The following ARHGEF15 variants were observed in gnomAD, a reference collection of about 807,000 sequenced individuals.
The protein encoded by ARHGEF15 is Rho guanine nucleotide exchange factor (GEF) 15.
In ARHGEF15, 58 loss-of-function variants were observed where a neutral mutation model predicts 79.7. That is an observed-to-expected ratio of 0.73 (90% CI 0.59 to 0.91). The LOEUF (loss-of-function observed/expected upper bound fraction) is 0.91. Ranked by LOEUF, ARHGEF15 falls within the 40% of genes least tolerant of loss-of-function variation. The probability of loss-of-function intolerance (pLI) is 0.00; values close to 1 mark genes in which losing one functional copy is unlikely to be tolerated. For missense variants in ARHGEF15, 1,012 were observed against 1,108.1 expected (o/e 0.91, Z 1.23); for synonymous variants, 442 against 456.0 (o/e 0.97, Z 0.39).
In ARHGEF15 at chr17:8,321,160, A is replaced by AC; in HGVS notation, c.*170dup. 1 of 868,676 alleles carries AC rather than the reference A, an allele frequency of 1.2e-6. No homozygotes were observed. Among genetic ancestry groups the AC allele is most frequent in the Non-Finnish European group, 1.7e-6 (1 of 576,274 alleles). The allele number at this position is 868,676 out of a possible 1,614,324, so 53.8% of individuals were successfully genotyped here. A position where few individuals can be genotyped will look rare whatever the true frequency, so the allele number is the denominator to read the frequency against. ...GCAGCCAATGAAAACGGCCGCCTGA[A>AC]CCCACAGCAATAAGAATGAATGAGG... On this transcript the variant is annotated 3_prime_UTR_variant, in exon 16 of 16. Coordinates refer to ENST00000361926, the MANE Select transcript of ARHGEF15 (RefSeq NM_173728.4).
chr17:8,312,222 C>T lies in ARHGEF15; in HGVS notation c.183C>T (p.Ile61=), dbSNP rs542926076. 7.7e-6 allele frequency: 12 copies of T among 1,567,634 alleles called. No homozygotes were observed. The African/African-American group carries it at 1.4e-4, about 18-fold the overall frequency. Residue 61 remains isoleucine (I), a synonymous_variant, in exon 2 of 16, where the codon ATC becomes ATT. Coordinates refer to ENST00000361926, the MANE Select transcript of ARHGEF15 (RefSeq NM_173728.4). The part of the protein sequence containing the change: ...NDAPTPMCTP[I]FWEPPAASLK... ...CACCAACCCCAATGTGCACCCCCAT[C>T]TTCTGGGAGCCCCCAGCTGCATCCC...
chr17:8,317,908 A>C (rs912313729), intron 9 of ARHGEF15, among the ~76,000 whole-genome samples: 1 of 152,106 alleles, frequency 6.6e-6, no homozygotes, highest in African/African-American at 2.4e-5. Flanking sequence ...TTCTACTAAA[A>C]ATACAAAAAA....
At chr17:8,317,178 G>A (rs1278145179) in intron 9 of ARHGEF15, among the ~76,000 whole-genome samples, 1 of 152,150 alleles carries the variant, frequency 6.6e-6, no homozygotes, top group African/African-American at 2.4e-5. Context: ...ACGGCTCACT[G>A]CAGCCTCAAA....
At chr17:8,315,000 C>T in intron 5 of ARHGEF15, 36 bp downstream of exon 5, 1 of 1,613,834 alleles carries the variant, frequency 6.2e-7, no homozygotes, top group Non-Finnish European at 8.5e-7. Context: ...CCTGCTGTGA[C>T]CATCAAGCAG....
rs202083675 is a variant in ARHGEF15, at chr17:8,319,364, T to C, written c.2239T>C (p.Cys747Arg). 389 of 1,613,870 alleles carry C rather than the reference T, an allele frequency of 2.4e-4. 3 individuals carry two copies. Among genetic ancestry groups the C allele is most frequent in the Admixed American group, 5.0e-5 (3 of 59,968 alleles). ...CTTCCCAACCCCAGGCCCCCTTCCC[T>C]GCTCCCCAGACACCATCTATGAGGA... ...GAFPTPGPLP[C>R]SPDTIYEDCD... Residue 747 changes from cysteine (C) to arginine (R), a missense_variant, in exon 14 of 16, where the codon TGC (cysteine) becomes CGC (arginine). Transcript: ENST00000361926.
Position 8,321,154 on chromosome 17 carries a change from G to A in ARHGEF15, c.*161G>A. Reference sequence around the variant, plus strand: ...GACAGAGCAGCCAATGAAAACGGCCGCCTGAACCCACAGCAATAAGAATGA... The same window carrying A: ...GACAGAGCAGCCAATGAAAACGGCCACCTGAACCCACAGCAATAAGAATGA... On this transcript the variant is annotated 3_prime_UTR_variant, in exon 16 of 16. Coordinates refer to ENST00000361926, the MANE Select transcript of ARHGEF15 (RefSeq NM_173728.4). The A allele has an allele frequency of 2.1e-6, 2 of 936,954 alleles. No homozygotes were observed. The highest frequency in any genetic ancestry group is 1.7e-5 in the African/African-American group (1 of 60,430). 58.0% of individuals were successfully genotyped at this position (936,954 alleles called of 1,614,324 possible). A position where few individuals can be genotyped will look rare whatever the true frequency, so the allele number is the denominator to read the frequency against.
In ARHGEF15 at chr17:8,321,528, C is replaced by G. The variant is rs776709452; in HGVS notation, c.*535C>G. 2.6e-5 allele frequency: 4 copies of G among 153,690 alleles called. No individual in the cohort carries two copies. Among genetic ancestry groups the G allele is most frequent in the Non-Finnish European group, 5.8e-5 (4 of 69,100 alleles). 9.5% of individuals were successfully genotyped at this position (153,690 alleles called of 1,614,324 possible). On this transcript the variant is annotated 3_prime_UTR_variant, in exon 16 of 16. Transcript: ENST00000361926. Reference sequence around the variant, plus strand: ...TGGATGCTTCCTGTGCCCTCTCAAGCCAGTTCTTCTCTTCCAGAAGAATTC... The same window carrying G: ...TGGATGCTTCCTGTGCCCTCTCAAGGCAGTTCTTCTCTTCCAGAAGAATTC...
In ARHGEF15 at chr17:8,321,105, G is replaced by T; in HGVS notation, c.*112G>T. 6.8e-7 allele frequency: 1 copy of T among 1,460,628 alleles called. No individual in the cohort carries two copies. The allele number at this position is 1,460,628 out of a possible 1,614,324, so 90.5% of individuals were successfully genotyped here. A position where few individuals can be genotyped will look rare whatever the true frequency, so the allele number is the denominator to read the frequency against. On this transcript the variant is annotated 3_prime_UTR_variant, in exon 16 of 16. Transcript: ENST00000361926. ...GTCAGTGGAGATACTACCTCTCGTG[G>T]CAACCATAGAGATCGAGCTTCAGGA... is the stretch of plus-strand genomic sequence containing the variant.
rs759618158 is a variant in ARHGEF15 at position 8,312,166 on chromosome 17, C to T, written c.127C>T (p.Pro43Ser). 2 of 1,610,534 alleles carry T rather than the reference C, an allele frequency of 1.2e-6. No individual in the cohort carries two copies. Among genetic ancestry groups the T allele is most frequent in the East Asian group, 4.5e-5 (2 of 44,696 alleles). ...AGGGCCTCCCCACAATGGCTCCTCT[C>T]CACAAGAACTACCCCGAAACTCCAA... The part of the protein sequence containing the change: ...SPGPPHNGSS[P>S]QELPRNSNDA... Residue 43 changes from proline to serine, a missense_variant, in exon 2 of 16, where the codon CCA becomes TCA. Physicochemically the swap from Pro to Ser is moderately conservative, Grantham distance 74 (BLOSUM62 -1). This residue lies in a region of ARHGEF15 where 818 missense variants were observed against 882.5 expected (regional missense o/e 0.93). Transcript: ENST00000361926.
rs549200900 is a variant in ARHGEF15 at position 8,311,250 on chromosome 17, G to A, written c.-49-741G>A. Among the ~76,000 whole-genome samples, 13 of 152,074 alleles carry A rather than the reference G, an allele frequency of 8.5e-5. No homozygotes were observed. The East Asian group carries it at 2.3e-3, about 27-fold the overall frequency. On this transcript the variant is annotated intron_variant, in intron 1 of 15. Transcript: ENST00000361926. ...GGGAGGAAGAGAAACCCAGGCCGCAGCGCCCTGGCCCGACTGGTCCTGTCC... is the reference window on the plus strand; with the variant it reads ...GGGAGGAAGAGAAACCCAGGCCGCAACGCCCTGGCCCGACTGGTCCTGTCC...
chr17:8,315,005 A>C lies in ARHGEF15; in HGVS notation c.1048+41A>C. The C allele has an allele frequency of 6.2e-7, 1 of 1,613,850 alleles. No homozygotes were observed. The highest frequency in any genetic ancestry group is 1.1e-5 in the South Asian group (1 of 91,054). ...CCTGAGGGTCCCTGCTGTGACCATC[A>C]AGCAGTGGGGAAGGGTTTGGGAGCC... On this transcript the variant is annotated intron_variant, in intron 5 of 15. Coordinates refer to ENST00000361926, the MANE Select transcript of ARHGEF15 (RefSeq NM_173728.4). The surrounding 1 kb of genome is among the most constrained non-coding windows in gnomAD (Gnocchi z 4.3).
Position 8,318,736 on chromosome 17 carries a change from C to T in ARHGEF15, c.1873-14C>T. The stretch of plus-strand genomic sequence containing the variant: ...TGCCACGCTAGAACCTCCTCTGCCT[C>T]CGCTTCCTCGCAGGCCCTGCCCCTG... On this transcript the variant is annotated splice_polypyrimidine_tract_variant and intron_variant, in intron 11 of 15. Coordinates refer to ENST00000361926, the MANE Select transcript of ARHGEF15 (RefSeq NM_173728.4). This position sits in a 1 kb window ranked among gnomAD's most constrained non-coding sequence, Gnocchi z 5.0. 6.2e-7 allele frequency: 1 copy of T among 1,611,962 alleles called. No individual in the cohort carries two copies. Among genetic ancestry groups the T allele is most frequent in the Non-Finnish European group, 8.5e-7 (1 of 1,179,210 alleles).
chr17:8,315,996 G>T lies in ARHGEF15; in HGVS notation c.1575-23G>T. 6.3e-7 allele frequency: 1 copy of T among 1,598,684 alleles called. No individual in the cohort carries two copies. The highest frequency in any genetic ancestry group is 1.1e-5 in the South Asian group (1 of 90,808). ...GGGGCACCAGGGCCTCCAGGCAGCC[G>T]CTAGCCATGCCTGCTTCTGCAGGGA... On this transcript the variant is annotated intron_variant, in intron 8 of 15. Coordinates refer to ENST00000361926, the MANE Select transcript of ARHGEF15 (RefSeq NM_173728.4). The surrounding 1 kb of genome is among the most constrained non-coding windows in gnomAD (Gnocchi z 4.3).
At chr17:8,319,876 G>A (rs752893612) in intron 15 of ARHGEF15, among the ~76,000 whole-genome samples, 5 of 151,652 alleles carry the variant, frequency 3.3e-5, no homozygotes, top group African/African-American at 4.8e-5. Context: ...CAGGTGATCC[G>A]TCCCCTTTCA....
rs1179163024 is a variant in ARHGEF15, at chr17:8,313,088, CG to C, written c.770del (p.Gly257ValfsTer79). 1 of 1,611,106 alleles carries C rather than the reference CG, an allele frequency of 6.2e-7. No individual in the cohort carries two copies. The highest frequency in any genetic ancestry group is 1.3e-5 in the African/African-American group (1 of 74,782). ...SRSRPHPPSIGHPAVVLTSYR... is the reference protein window; with the variant it reads ...SRSRPHPPSIXHPAVVLTSYR... ...GCTCCCGCCCCCACCCTCCAAGCAT[CG>C]GTCACCCTGCCGTTGTCCTCACATC... On this transcript the variant is annotated frameshift_variant, in exon 3 of 16. Coordinates refer to ENST00000361926, the MANE Select transcript of ARHGEF15 (RefSeq NM_173728.4). LOFTEE classifies it high-confidence loss of function.
At chr17:8,313,741 T>C (rs371789032) in intron 4 of ARHGEF15, 186 bp downstream of exon 4, 28 of 532,428 alleles carry the variant, frequency 5.3e-5, no homozygotes, top group East Asian at 2.3e-4. Flanking sequence ...TCTGTGATCT[T>C]ATAGAAGGCC....
At chr17:8,311,574 G>A (rs935215645) in intron 1 of ARHGEF15, among the ~76,000 whole-genome samples, 34 of 151,758 alleles carry the variant, frequency 2.2e-4, no homozygotes, top group Non-Finnish European at 1.5e-5. Context: ...CAGGCCCGGC[G>A]GACAGGCGCG....
In ARHGEF15 at chr17:8,318,541, G is replaced by A. The variant is rs757654912; in HGVS notation, c.1780-29G>A. 6.2e-7 allele frequency: 1 copy of A among 1,612,624 alleles called. No homozygotes were observed. The highest frequency in any genetic ancestry group is 1.1e-5 in the South Asian group (1 of 90,990). On this transcript the variant is annotated intron_variant, in intron 10 of 15. Coordinates refer to ENST00000361926, the MANE Select transcript of ARHGEF15 (RefSeq NM_173728.4). The surrounding 1 kb of genome is among the most constrained non-coding windows in gnomAD (Gnocchi z 5.0). ...GGTAGGGAGCAGGGGGCTGGCCGCT[G>A]GGGTGGTGACACAGCTCCCCTTACC... is the stretch of plus-strand genomic sequence containing the variant.
In ARHGEF15 at chr17:8,319,544, C is replaced by G. The variant is rs754196985; in HGVS notation, c.2315C>G (p.Thr772Ser). Reference protein sequence around the residue: ...LCSESSAPAKTEGRSLESRAA... With the variant: ...LCSESSAPAKSEGRSLESRAA... ...TCAGAGTCGTCTGCACCTGCCAAGA[C>G]TGAAGGACGGAGTCTGGAGTCCAGG... Residue 772 changes from threonine to serine, a missense_variant, in exon 15 of 16, where the codon ACT becomes AGT. Physicochemically the swap from Thr to Ser is moderately conservative, Grantham distance 58. Coordinates refer to ENST00000361926, the MANE Select transcript of ARHGEF15 (RefSeq NM_173728.4). 5 of 1,611,744 alleles carry G rather than the reference C, an allele frequency of 3.1e-6. No individual in the cohort carries two copies. In the East Asian group the frequency reaches 1.1e-4, roughly 36 times the overall value.
Sources: gnomAD v4.1 joint callset for allele counts (sites outside exome capture counted in the v4.1 genomes callset) on GRCh38, gnomAD v4.1.1 for gene constraint, gnomAD v4.1.1 regional missense constraint, Gnocchi (gnomAD v3.1) non-coding constraint, MANE v1.5 for transcripts, NCBI Gene and HGNC (gene_info 2026-07-23, HGNC 2026-07-21) for gene names.